LRP2: variants seen among roughly 807,000 people sequenced by gnomAD.
The protein encoded by LRP2 is low-density lipoprotein receptor-related protein 2.
A neutral mutation model predicts 531.0 loss-of-function variants in LRP2; 172 were observed. That is an observed-to-expected ratio of 0.32 (90% CI 0.29 to 0.37). The LOEUF (loss-of-function observed/expected upper bound fraction) is 0.37, where lower values mean the gene tolerates loss of function less well. Among genes scored for constraint, LRP2 ranks in the 10% least tolerant of loss-of-function variants. The probability of loss-of-function intolerance (pLI) is 1.00; values close to 1 mark genes in which losing one functional copy is unlikely to be tolerated. For missense variants in LRP2, 5,167 were observed against 5,868.3 expected (o/e 0.88, Z 3.90); for synonymous variants, 1,992 against 2,027.6 (o/e 0.98, Z 0.47).
chr2:169,170,899 T>TTCTCTC (rs1456262425), intron 58 of LRP2, among the ~76,000 whole-genome samples: 4 of 150,998 alleles, frequency 2.6e-5, no homozygotes, highest in Non-Finnish European at 5.9e-5. Context: ...TGATCTCTCT[T>TTCTCTC]TCTCTCTTGC....
chr2:169,258,434 C>A (rs1006839672), intron 17 of LRP2, among the ~76,000 whole-genome samples: 2 of 152,062 alleles, frequency 1.3e-5, no homozygotes, highest in African/African-American at 4.8e-5. Flanking sequence ...TTTTATCATT[C>A]CACTCATATA....
chr2:169,175,653 A>C (rs1451183730), intron 54 of LRP2, among the ~76,000 whole-genome samples: 1 of 150,224 alleles, frequency 6.7e-6, no homozygotes, highest in Non-Finnish European at 1.5e-5. Flanking sequence ...CAAAAAAAAA[A>C]CAATAAACAA....
chr2:169,269,754 T>C (rs891846164), intron 16 of LRP2, among the ~76,000 whole-genome samples: 1 of 152,076 alleles, frequency 6.6e-6, no homozygotes, highest in Non-Finnish European at 1.5e-5. Flanking sequence ...AATTGACAAA[T>C]GGGATCTAAT....
At chr2:169,255,913 A>G (rs1690287181) in intron 19 of LRP2, among the ~76,000 whole-genome samples, 193 bp downstream of exon 19, 1 of 152,154 alleles carries the variant, frequency 6.6e-6, no homozygotes, top group Non-Finnish European at 1.5e-5. Flanking sequence ...CAAAACAAAA[A>G]TCACACTCTA....
Position 169,243,391 on chromosome 2 carries a change from C to A in LRP2, c.3550+12G>T, listed in dbSNP as rs1355787676. Reference sequence around the variant, plus strand: ...TAAACATTGTGAATAAAAAAGAAGGCAATGCACTTACCACAACCAACCTCA... The same window carrying A: ...TAAACATTGTGAATAAAAAAGAAGGAAATGCACTTACCACAACCAACCTCA... On this transcript the variant is annotated intron_variant, in intron 23 of 78. Coordinates refer to ENST00000649046, the MANE Select transcript of LRP2 (RefSeq NM_004525.3). 1.2e-6 allele frequency: 2 copies of A among 1,613,880 alleles called. No individual in the cohort carries two copies. Among genetic ancestry groups the A allele is most frequent in the Non-Finnish European group, 1.7e-6 (2 of 1,179,852 alleles).
intron 10 of LRP2, among the ~76,000 whole-genome samples, chr2:169,281,110 A>G (rs1053359511): frequency 2.0e-5 from 3 of 152,178 alleles, no homozygotes; most frequent in Non-Finnish European, 4.4e-5. Context: ...TAAAAGAAGG[A>G]ATATTATGCC....
Position 169,240,849 on chromosome 2 carries a change from C to T in LRP2, c.4045+139G>A, listed in dbSNP as rs17848150. ...ATGTATTTGAATTCAATTATGGTTA[C>T]CCCCTACACAGATGTGAACTCATAG... On this transcript the variant is annotated intron_variant, in intron 25 of 78. Transcript: ENST00000649046. The T allele has an allele frequency of 1.1e-5, 11 of 956,582 alleles. No individual in the cohort carries two copies. The East Asian group carries it at 1.9e-4, about 17-fold the overall frequency. The allele number at this position is 956,582 out of a possible 1,614,324, so 59.3% of individuals were successfully genotyped here. A position where few individuals can be genotyped will look rare whatever the true frequency, so the allele number is the denominator to read the frequency against.
intron 35 of LRP2, 98 bp from the exon 36 acceptor site, chr2:169,213,968 T>C: frequency 3.7e-6 from 3 of 809,956 alleles, no homozygotes; most frequent in Non-Finnish European, 6.4e-6. Context: ...CTCACATTTA[T>C]ACAGCCCTCT....
At position 169,137,865 on chromosome 2, in the gene LRP2, G is replaced by T. The variant is rs1381668577; in HGVS notation, c.13519-372C>A. 4.6e-5 allele frequency among the ~76,000 whole-genome samples: 7 copies of T among 152,144 alleles called. No homozygotes were observed. In the East Asian group the frequency reaches 1.4e-3, roughly 29 times the overall value. ...AGAAAAGAAGAATAAGGAGAGAGGG[G>T]AAGGAAAAAGAATGGATAATATAAT... On this transcript the variant is annotated intron_variant, in intron 75 of 78. Transcript: ENST00000649046.
At chr2:169,308,384 C>G (rs532972720) in intron 3 of LRP2, among the ~76,000 whole-genome samples, 2 of 152,218 alleles carry the variant, frequency 1.3e-5, no homozygotes, top group East Asian at 3.9e-4. Context: ...TCCCCTACCC[C>G]ACGACAGGAC....
intron 50 of LRP2, chr2:169,182,699 G>A: frequency 1.1e-6 from 1 of 887,954 alleles, no homozygotes; most frequent in Non-Finnish European, 1.3e-6. Flanking sequence ...TGGAGTCAAG[G>A]AAACACACTT....
intron 63 of LRP2, among the ~76,000 whole-genome samples, chr2:169,161,276 A>C (rs1175208557): frequency 6.6e-6 from 1 of 152,190 alleles, no homozygotes; most frequent in Non-Finnish European, 1.5e-5. Flanking sequence ...CAGCAACTCA[A>C]TGGGGCTAAC....
intron 4 of LRP2, among the ~76,000 whole-genome samples, chr2:169,294,952 G>A (rs1684099002): frequency 6.6e-6 from 1 of 152,190 alleles, no homozygotes; most frequent in East Asian, 1.9e-4. Context: ...AATGTGGAAA[G>A]TACAGAGGAC....
rs77136701 is a variant in LRP2, at chr2:169,324,098, G to A, written c.80-3214C>T. Among the ~76,000 whole-genome samples the A allele has an allele frequency of 3.0e-3, 451 of 152,244 alleles. 2 individuals carry two copies. The highest frequency in any genetic ancestry group is 0.01 in the African/African-American group (436 of 41,542). Reference sequence around the variant, plus strand: ...TGGCACACACCATTCTAAGTGCTCTGCCAACATTAGCTCATTTAATCCTCA... The same window carrying A: ...TGGCACACACCATTCTAAGTGCTCTACCAACATTAGCTCATTTAATCCTCA... On this transcript the variant is annotated intron_variant, in intron 1 of 78. Coordinates refer to ENST00000649046, the MANE Select transcript of LRP2 (RefSeq NM_004525.3).
In LRP2 at chr2:169,170,680, G is replaced by A; in HGVS notation, c.11264-13C>T. On this transcript the variant is annotated splice_polypyrimidine_tract_variant and intron_variant, in intron 58 of 78. Coordinates refer to ENST00000649046, the MANE Select transcript of LRP2 (RefSeq NM_004525.3). ...CACTCCCGGGGAGCTGGAAAGGAAA[G>A]GCACCTGGCCATGAGTGTGCACCAG... The A allele has an allele frequency of 1.9e-6, 3 of 1,576,870 alleles. No individual in the cohort carries two copies. Among genetic ancestry groups the A allele is most frequent in the Non-Finnish European group, 2.6e-6 (3 of 1,146,086 alleles).
intron 31 of LRP2, among the ~76,000 whole-genome samples, chr2:169,227,024 G>A (rs940621637): frequency 1.3e-5 from 2 of 151,744 alleles, no homozygotes; most frequent in African/African-American, 4.8e-5. Flanking sequence ...GTGAAAGGCA[G>A]CTTACTAGTT....
chr2:169,213,766 A>G lies in LRP2; in HGVS notation c.5931T>C (p.Asp1977=). ...CTCTTTCAATGACCTCATACTGTTC[A>G]TCAGTATAATAAAGGAAAGAATCAT... The part of the protein sequence containing the change: ...AVHDSFLYYT[D]EQYEVIERVD... Residue 1977 remains aspartate, a synonymous_variant, in exon 36 of 79, where the codon GAT becomes GAC. Coordinates refer to ENST00000649046, the MANE Select transcript of LRP2 (RefSeq NM_004525.3). 5 of 1,613,572 alleles carry G rather than the reference A, an allele frequency of 3.1e-6. No homozygotes were observed. Among genetic ancestry groups the G allele is most frequent in the Non-Finnish European group, 4.2e-6 (5 of 1,179,554 alleles).
chr2:169,236,952 C>T (rs1437129065), intron 28 of LRP2, 151 bp downstream of exon 28: 2 of 677,844 alleles, frequency 3.0e-6, no homozygotes, highest in Non-Finnish European at 5.3e-6. Context: ...GGAGAGATAG[C>T]AACACCCAGT....
chr2:169,193,383 A>T (rs1266204332), intron 47 of LRP2, among the ~76,000 whole-genome samples: 18 of 150,396 alleles, frequency 1.2e-4, no homozygotes, highest in African/African-American at 4.4e-4. Context: ...CTGAGCCATG[A>T]TACCGCCACT....
Sources: gnomAD v4.1 joint callset for allele counts (sites outside exome capture counted in the v4.1 genomes callset) on GRCh38, gnomAD v4.1.1 for gene constraint, MANE v1.5 for transcripts, NCBI Gene and HGNC (gene_info 2026-07-23, HGNC 2026-07-21) for gene names.